IGSF21: variants seen among roughly 807,000 people sequenced by gnomAD.
IGSF21 encodes immunoglobin superfamily member 21, also known as immunoglobulin superfamily member 21.
IGSF21 carries 28 observed loss-of-function variants against 46.8 expected under a neutral mutation model. The observed-to-expected ratio is 0.60, with a 90% confidence interval of 0.44 to 0.82. IGSF21 has a LOEUF of 0.82. Among genes scored for constraint, IGSF21 ranks in the 40% least tolerant of loss-of-function variants. The pLI, the probability that IGSF21 is intolerant of heterozygous loss-of-function variation, is 0.00. For missense variants in IGSF21, 624 were observed against 665.5 expected, an observed-to-expected ratio of 0.94 and a Z score of 0.69; for synonymous variants, 284 against 273.6, an observed-to-expected ratio of 1.04 and a Z score of -0.38.
intron 2 of IGSF21, among the ~76,000 whole-genome samples, chr1:18,238,425 G>A (rs2084693022): frequency 1.3e-5 from 2 of 152,250 alleles, no homozygotes; most frequent in African/African-American, 4.8e-5. Flanking sequence ...TGGACGGGAA[G>A]AGGAGATAAG....
At chr1:18,243,028 A>C (rs2084748579) in intron 2 of IGSF21, among the ~76,000 whole-genome samples, 1 of 152,154 alleles carries the variant, frequency 6.6e-6, no homozygotes. Flanking sequence ...CGCTCAGTGA[A>C]GGGTCAGGAA....
At chr1:18,144,956 G>C (rs192576873) in intron 1 of IGSF21, among the ~76,000 whole-genome samples, 1 of 152,124 alleles carries the variant, frequency 6.6e-6, no homozygotes, top group African/African-American at 2.4e-5. Flanking sequence ...TGAGTCCCGG[G>C]TGCCTCAAAA....
intron 1 of IGSF21, among the ~76,000 whole-genome samples, chr1:18,175,425 G>C (rs1193517659): frequency 6.6e-6 from 1 of 152,196 alleles, no homozygotes; most frequent in African/African-American, 2.4e-5. Flanking sequence ...AGACAGCCGG[G>C]AGGAAACGAG....
At chr1:18,238,504 G>C (rs2084694039) in intron 2 of IGSF21, among the ~76,000 whole-genome samples, 1 of 152,166 alleles carries the variant, frequency 6.6e-6, no homozygotes, top group South Asian at 2.1e-4. Flanking sequence ...AAGGGGAGCG[G>C]TTTTTGACCA....
intron 2 of IGSF21, among the ~76,000 whole-genome samples, chr1:18,291,323 C>T (rs1324895534): frequency 1.3e-5 from 2 of 152,216 alleles, no homozygotes; most frequent in African/African-American, 2.4e-5. Context: ...ACGCTGTCCC[C>T]GTCTGCATCG....
At position 18,306,558 on chromosome 1, in the gene IGSF21, GC is replaced by G. The variant is rs763148455; in HGVS notation, c.305+14575del. Reference sequence around the variant, plus strand: ...CCGAGGATAAAGACTTGGTCCCCCTGCCCCTCCTCTGTCCCCCTAGCTTTCA... The same window carrying G: ...CCGAGGATAAAGACTTGGTCCCCCTGCCCTCCTCTGTCCCCCTAGCTTTCA... On this transcript the variant is annotated intron_variant, in intron 3 of 9. Coordinates refer to ENST00000251296, the MANE Select transcript of IGSF21 (RefSeq NM_032880.5). Among the ~76,000 whole-genome samples the G allele has an allele frequency of 2.0e-5, 3 of 152,126 alleles. No individual in the cohort carries two copies. In the East Asian group the frequency reaches 5.8e-4, roughly 29 times the overall value.
intron 1 of IGSF21, among the ~76,000 whole-genome samples, chr1:18,165,504 C>T (rs1461963372): frequency 6.6e-6 from 1 of 152,220 alleles, no homozygotes. Context: ...TACATCCAAA[C>T]ACAGTCACAT....
intron 1 of IGSF21, among the ~76,000 whole-genome samples, chr1:18,121,539 C>T (rs925033055): frequency 1.3e-5 from 2 of 152,078 alleles, no homozygotes; most frequent in African/African-American, 4.8e-5. Context: ...CTGAAATTGC[C>T]GTGACAAATA....
intron 3 of IGSF21, among the ~76,000 whole-genome samples, chr1:18,297,114 C>T (rs1182981006): frequency 6.6e-6 from 1 of 152,146 alleles, no homozygotes; most frequent in East Asian, 1.9e-4. Context: ...GTCTGCCCGC[C>T]CCCCCACTAG....
Position 18,335,931 on chromosome 1 carries a change from C to G in IGSF21, c.424+921C>G, listed in dbSNP as rs1035444795. 3.9e-5 allele frequency among the ~76,000 whole-genome samples: 6 copies of G among 152,174 alleles called. No individual in the cohort carries two copies. Among genetic ancestry groups the G allele is most frequent in the Admixed American group, 3.3e-4 (5 of 15,278 alleles). On this transcript the variant is annotated intron_variant, in intron 4 of 9. Coordinates refer to ENST00000251296, the MANE Select transcript of IGSF21 (RefSeq NM_032880.5). This position sits in a 1 kb window ranked among gnomAD's most constrained non-coding sequence, Gnocchi z 4.8. The stretch of plus-strand genomic sequence containing the variant: ...GGTGGCATTGCCAGGAAAAGCCCCT[C>G]TCTCGCAGTTACTCATGCACCACTC...
intron 2 of IGSF21, among the ~76,000 whole-genome samples, chr1:18,279,220 C>T (rs990669421): frequency 2.0e-5 from 3 of 152,196 alleles, no homozygotes; most frequent in Non-Finnish European, 2.9e-5. Context: ...TTGTAGCCAT[C>T]ACCCTATGTT....
chr1:18,294,398 C>G (rs11582730), intron 3 of IGSF21, among the ~76,000 whole-genome samples: 4 of 152,194 alleles, frequency 2.6e-5, no homozygotes, highest in Non-Finnish European at 5.9e-5. Flanking sequence ...TCCTTTTATG[C>G]GCTTTCTGTT....
At chr1:18,162,269 A>C (rs1439252713) in intron 1 of IGSF21, among the ~76,000 whole-genome samples, 1 of 152,132 alleles carries the variant, frequency 6.6e-6, no homozygotes, top group Non-Finnish European at 1.5e-5. Context: ...GCTGGTCTGA[A>C]GCTCCTGAGC....
intron 1 of IGSF21, among the ~76,000 whole-genome samples, chr1:18,216,982 C>A (rs116351122): frequency 6.6e-6 from 1 of 152,170 alleles, no homozygotes; most frequent in African/African-American, 2.4e-5. Flanking sequence ...AGTGGTAGTG[C>A]GTGGAGCTCC....
At chr1:18,313,830 C>T (rs2085514278) in intron 3 of IGSF21, among the ~76,000 whole-genome samples, 1 of 152,220 alleles carries the variant, frequency 6.6e-6, no homozygotes, top group African/African-American at 2.4e-5. Flanking sequence ...TGCGCTCTCT[C>T]ACCTTTCAGA....
intron 1 of IGSF21, among the ~76,000 whole-genome samples, chr1:18,130,851 G>A (rs902599340): frequency 1.3e-5 from 2 of 152,244 alleles, no homozygotes; most frequent in African/African-American, 4.8e-5. Context: ...AGCCACCTCA[G>A]AATCTGTCCA....
At chr1:18,321,859 G>A (rs2085604813) in intron 3 of IGSF21, among the ~76,000 whole-genome samples, 1 of 152,194 alleles carries the variant, frequency 6.6e-6, no homozygotes, top group African/African-American at 2.4e-5. Flanking sequence ...GACACTCTCT[G>A]GTTGAGTAAC....
intron 2 of IGSF21, among the ~76,000 whole-genome samples, chr1:18,243,965 T>C (rs1415337744): frequency 1.3e-5 from 2 of 152,206 alleles, no homozygotes; most frequent in Non-Finnish European, 2.9e-5. Context: ...GGGATGGTGA[T>C]AATAGCACTG....
At chr1:18,301,631 T>C (rs2085363049) in intron 3 of IGSF21, among the ~76,000 whole-genome samples, 1 of 152,208 alleles carries the variant, frequency 6.6e-6, no homozygotes, top group Non-Finnish European at 1.5e-5. Flanking sequence ...TGAGCCACTG[T>C]GCCCAGCCCC....
Sources: allele counts gnomAD v4.1 joint callset (sites outside exome capture counted in the v4.1 genomes callset), GRCh38; gene constraint gnomAD v4.1.1; non-coding constraint Gnocchi (gnomAD v3.1); transcripts MANE v1.5; gene names NCBI Gene and HGNC (gene_info 2026-07-23, HGNC 2026-07-21).